The following XKR4 variants were observed in gnomAD, a reference collection of about 807,000 sequenced individuals.
XKR4 encodes XK related 4, also known as XK-related protein 4.
A neutral mutation model predicts 53.9 loss-of-function variants in XKR4; 12 were observed. The ratio of observed to expected loss-of-function variants is 0.22; its 90% confidence interval spans 0.14 to 0.36. XKR4 has a LOEUF of 0.36. Among genes scored for constraint, XKR4 ranks in the 10% least tolerant of loss-of-function variants. The pLI is 1.00. For missense variants in XKR4, 799 were observed against 859.5 expected (o/e 0.93, Z 0.88); for synonymous variants, 354 against 362.4 (o/e 0.98, Z 0.26).
At chr8:55,448,579 T>C (rs1432201924) in intron 2 of XKR4, among the ~76,000 whole-genome samples, 1 of 152,250 alleles carries the variant, frequency 6.6e-6, no homozygotes, top group Non-Finnish European at 1.5e-5. Flanking sequence ...GTTTGCTAAC[T>C]AGCACATTTT....
At chr8:55,514,683 A>C (rs1220854651) in intron 2 of XKR4, among the ~76,000 whole-genome samples, 1 of 152,186 alleles carries the variant, frequency 6.6e-6, no homozygotes, top group Non-Finnish European at 1.5e-5. Context: ...AAAACAAACA[A>C]AAAAATCATT....
At chr8:55,298,041 C>T (rs149070899) in intron 1 of XKR4, among the ~76,000 whole-genome samples, 93 of 152,230 alleles carry the variant, frequency 6.1e-4, no homozygotes, top group African/African-American at 2.1e-3. Context: ...CATTTACAGT[C>T]GATTTTTCTG....
At chr8:55,229,918 T>A (rs1323503610) in intron 1 of XKR4, among the ~76,000 whole-genome samples, 1 of 151,844 alleles carries the variant, frequency 6.6e-6, no homozygotes, top group African/African-American at 2.4e-5. Context: ...CTGGTGCCTG[T>A]GTAACTCATG....
chr8:55,217,747 T>C (rs974452886), intron 1 of XKR4, among the ~76,000 whole-genome samples: 6 of 58,150 alleles, frequency 1.0e-4, no homozygotes, highest in African/African-American at 1.7e-4. Context: ...ATTAGATAGA[T>C]AGATAGATAG....
intron 1 of XKR4, among the ~76,000 whole-genome samples, chr8:55,107,166 A>T (rs557859863): frequency 6.6e-6 from 1 of 152,282 alleles, no homozygotes. Flanking sequence ...TCTACTTTTT[A>T]TGTCATCTAC....
chr8:55,501,728 A>G (rs997957324), intron 2 of XKR4, among the ~76,000 whole-genome samples: 3 of 152,130 alleles, frequency 2.0e-5, no homozygotes, highest in Admixed American at 6.5e-5. Context: ...CCATTCATCC[A>G]TCAGTAAACA....
In XKR4 at chr8:55,530,081, T is replaced by C. The variant is rs925059648; in HGVS notation, c.*5854T>C. 1.3e-5 allele frequency: 2 copies of C among 150,328 alleles called. No individual in the cohort carries two copies. The highest frequency in any genetic ancestry group is 2.5e-5 in the African/African-American group (1 of 40,708). 9.3% of individuals were successfully genotyped at this position (150,328 alleles called of 1,614,324 possible). ...AAAAACTAAACCCCATTACTTACTTTGGCATTTTGACAAGATAGAGAGAGA... is the reference window on the plus strand; with the variant it reads ...AAAAACTAAACCCCATTACTTACTTCGGCATTTTGACAAGATAGAGAGAGA... On this transcript the variant is annotated 3_prime_UTR_variant, in exon 3 of 3. Transcript: ENST00000327381.
At chr8:55,502,252 A>G (rs567965786) in intron 2 of XKR4, among the ~76,000 whole-genome samples, 67 of 152,232 alleles carry the variant, frequency 4.4e-4, no homozygotes, top group Non-Finnish European at 7.5e-4. Context: ...GAATTGCCAG[A>G]TCATGTGGTA....
intron 2 of XKR4, among the ~76,000 whole-genome samples, chr8:55,431,947 G>A (rs796879390): frequency 2.0e-5 from 3 of 152,206 alleles, no homozygotes; most frequent in African/African-American, 4.8e-5. Flanking sequence ...TAATATTACG[G>A]GTTATAGCAT....
intron 2 of XKR4, among the ~76,000 whole-genome samples, chr8:55,398,198 C>G (rs1186892824): frequency 1.3e-5 from 2 of 152,130 alleles, no homozygotes; most frequent in African/African-American, 4.8e-5. Context: ...CTGCCTACAG[C>G]AAAAAGCGTT....
chr8:55,122,407 A>T (rs899487056), intron 1 of XKR4, among the ~76,000 whole-genome samples: 1 of 152,250 alleles, frequency 6.6e-6, no homozygotes, highest in African/African-American at 2.4e-5. Flanking sequence ...ATGATGCATT[A>T]TGACTATTTT....
At chr8:55,498,567 G>A (rs1195134078) in intron 2 of XKR4, among the ~76,000 whole-genome samples, 1 of 152,144 alleles carries the variant, frequency 6.6e-6, no homozygotes, top group Non-Finnish European at 1.5e-5. Context: ...ATCACTTGAG[G>A]TCAGAATTTT....
intron 1 of XKR4, among the ~76,000 whole-genome samples, chr8:55,352,292 C>T (rs1803735332): frequency 6.6e-6 from 1 of 152,136 alleles, no homozygotes; most frequent in African/African-American, 2.4e-5. Flanking sequence ...GCAGGAGAAC[C>T]ACATGAGCAA....
At chr8:55,465,287 A>G (rs1428159915) in intron 2 of XKR4, among the ~76,000 whole-genome samples, 4 of 152,148 alleles carry the variant, frequency 2.6e-5, no homozygotes, top group Non-Finnish European at 5.9e-5. Context: ...ACCAAAACAG[A>G]GATATAGACC....
chr8:55,129,236 G>A (rs958817506), intron 1 of XKR4, among the ~76,000 whole-genome samples: 1 of 152,152 alleles, frequency 6.6e-6, no homozygotes, highest in Middle Eastern at 3.2e-3. Flanking sequence ...TTACCCATAC[G>A]ATATTCTGAG....
intron 1 of XKR4, among the ~76,000 whole-genome samples, chr8:55,251,916 C>A (rs1818367358): frequency 6.6e-6 from 1 of 152,178 alleles, no homozygotes; most frequent in South Asian, 2.1e-4. Flanking sequence ...AACTTTTTAT[C>A]ATGCATTTGT....
intron 1 of XKR4, among the ~76,000 whole-genome samples, chr8:55,289,868 GAAA>G (rs1391604658): frequency 1.8e-4 from 3 of 16,982 alleles, no homozygotes; most frequent in Non-Finnish European, 2.5e-3. Flanking sequence ...AAGAAAGAAA[GAAA>G]GAAAGAAAGA....
intron 1 of XKR4, among the ~76,000 whole-genome samples, chr8:55,253,270 C>T (rs1262075321): frequency 6.6e-6 from 1 of 152,110 alleles, no homozygotes; most frequent in Non-Finnish European, 1.5e-5. Context: ...AACTTTTCAC[C>T]ACCATGGAAG....
chr8:55,161,774 A>G (rs150847864), intron 1 of XKR4: 11 of 367,154 alleles, frequency 3.0e-5, no homozygotes, highest in Middle Eastern at 6.4e-4. Flanking sequence ...TCTTTTCTCC[A>G]CTTCACAGGT....
Sources: gnomAD v4.1 joint callset for allele counts (sites outside exome capture counted in the v4.1 genomes callset) on GRCh38, gnomAD v4.1.1 for gene constraint, MANE v1.5 for transcripts, NCBI Gene and HGNC (gene_info 2026-07-23, HGNC 2026-07-21) for gene names.